PHACTR1: variants seen among roughly 807,000 people sequenced by gnomAD.
PHACTR1 encodes the protein RPEL repeat containing 1.
PHACTR1 carries 16 observed loss-of-function variants against 69.2 expected under a neutral mutation model. That is an observed-to-expected ratio of 0.23 (90% CI 0.16 to 0.35). The LOEUF (loss-of-function observed/expected upper bound fraction) is 0.35. Ranked by LOEUF, PHACTR1 falls within the 10% of genes least tolerant of loss-of-function variation. The probability of loss-of-function intolerance (pLI) is 1.00; values close to 1 mark genes in which losing one functional copy is unlikely to be tolerated. For synonymous variants in PHACTR1, 312 were observed against 284.5 expected, an observed-to-expected ratio of 1.10 and a Z score of -0.97; for missense variants, 510 against 734.7, an observed-to-expected ratio of 0.69 and a Z score of 3.54.
In PHACTR1 at chr6:12,745,156, A is replaced by G. The variant is rs181731762; in HGVS notation, c.104-4488A>G. On this transcript the variant is annotated intron_variant, in intron 3 of 14. Coordinates refer to ENST00000332995, the MANE Select transcript of PHACTR1 (RefSeq NM_030948.6). ...TTTACTTACTTGAAAAATTTTCTTA[A>G]TGGGGATGGAATATCACATCCTTCT... Among the ~76,000 whole-genome samples, 32 of 152,278 alleles carry G rather than the reference A, an allele frequency of 2.1e-4. No homozygotes were observed. In the East Asian group the frequency reaches 6.0e-3, roughly 28 times the overall value.
chr6:12,970,242 A>T (rs1021126522), intron 4 of PHACTR1, among the ~76,000 whole-genome samples: 3 of 152,200 alleles, frequency 2.0e-5, no homozygotes, highest in African/African-American at 7.2e-5. Flanking sequence ...AATTGAGACT[A>T]AACTTCTCTT....
At chr6:12,767,067 T>A (rs965287923) in intron 4 of PHACTR1, among the ~76,000 whole-genome samples, 1 of 152,232 alleles carries the variant, frequency 6.6e-6, no homozygotes, top group Admixed American at 6.5e-5. Context: ...TGTATGAAGA[T>A]GAAAATGGAT....
intron 4 of PHACTR1, among the ~76,000 whole-genome samples, chr6:12,951,959 A>G (rs558959358): frequency 6.6e-6 from 1 of 152,334 alleles, no homozygotes; most frequent in Admixed American, 6.5e-5. Flanking sequence ...GAAAGCAATG[A>G]ATACTCGAGT....
At chr6:13,244,086 AAGGGACAG>A (rs1175298560) in intron 10 of PHACTR1, among the ~76,000 whole-genome samples, 1 of 152,200 alleles carries the variant, frequency 6.6e-6, no homozygotes, top group Non-Finnish European at 1.5e-5. Context: ...TTGAGAAATA[AAGGGACAG>A]AGTACAAAAG....
intron 4 of PHACTR1, among the ~76,000 whole-genome samples, chr6:12,918,671 C>T (rs537428170): frequency 6.6e-6 from 1 of 152,288 alleles, no homozygotes; most frequent in East Asian, 1.9e-4. Flanking sequence ...ATTAAGCTCC[C>T]TAAATCTTGC....
intron 2 of PHACTR1, among the ~76,000 whole-genome samples, chr6:12,718,003 G>A (rs1448972128): frequency 6.6e-6 from 1 of 151,906 alleles, no homozygotes; most frequent in Non-Finnish European, 1.5e-5. Flanking sequence ...AATGTTTTCT[G>A]GGGAAGTATA....
At chr6:12,866,083 T>G (rs1332752271) in intron 4 of PHACTR1, among the ~76,000 whole-genome samples, 1 of 152,128 alleles carries the variant, frequency 6.6e-6, no homozygotes. Flanking sequence ...ATGTTTTATA[T>G]TGTATGGGGA....
intron 4 of PHACTR1, among the ~76,000 whole-genome samples, chr6:13,011,368 G>T (rs114410668): frequency 6.6e-6 from 1 of 152,170 alleles, no homozygotes; most frequent in Non-Finnish European, 1.5e-5. Flanking sequence ...ACCATTAGAG[G>T]CTGCAAACTC....
intron 5 of PHACTR1, among the ~76,000 whole-genome samples, chr6:13,155,573 T>C (rs186326728): frequency 6.6e-6 from 1 of 152,078 alleles, no homozygotes; most frequent in Admixed American, 6.5e-5. Context: ...CATGCATACC[T>C]TGTTAAGAGA....
chr6:12,867,713 A>G (rs1162905996), intron 4 of PHACTR1, among the ~76,000 whole-genome samples: 2 of 152,272 alleles, frequency 1.3e-5, no homozygotes, highest in African/African-American at 4.8e-5. Flanking sequence ...ATCAGTATTA[A>G]GAATTTTAAA....
chr6:13,232,021 A>C (rs1001692865), intron 10 of PHACTR1, among the ~76,000 whole-genome samples: 2 of 152,222 alleles, frequency 1.3e-5, no homozygotes, highest in Admixed American at 6.5e-5. Context: ...ACCAGGGCTT[A>C]ATTCTGATTC....
intron 5 of PHACTR1, among the ~76,000 whole-genome samples, chr6:13,139,444 T>G (rs1382477349): frequency 6.6e-6 from 1 of 152,100 alleles, no homozygotes; most frequent in Non-Finnish European, 1.5e-5. Flanking sequence ...TCACAAATTG[T>G]TTTTTCCGTT....
chr6:13,066,433 T>C (rs1049816096), intron 5 of PHACTR1, among the ~76,000 whole-genome samples: 3 of 152,164 alleles, frequency 2.0e-5, no homozygotes, highest in African/African-American at 7.2e-5. Flanking sequence ...GGTCCCCGAG[T>C]TTGAAGAATT....
rs766379889 is a variant in PHACTR1 at position 12,729,869 on chromosome 6, G to A, written c.103+11022G>A. 6.6e-5 allele frequency among the ~76,000 whole-genome samples: 10 copies of A among 152,096 alleles called. No individual in the cohort carries two copies. In the South Asian group the frequency reaches 8.3e-4, roughly 13 times the overall value. On this transcript the variant is annotated intron_variant, in intron 3 of 14. Transcript: ENST00000332995. Reference sequence around the variant, plus strand: ...AAGAAGATTTTTTTCCTGATTATGCGGTGACAAAGTAGGTAGACAGAGAGT... The same window carrying A: ...AAGAAGATTTTTTTCCTGATTATGCAGTGACAAAGTAGGTAGACAGAGAGT...
At chr6:12,882,797 C>G (rs1358532416) in intron 4 of PHACTR1, among the ~76,000 whole-genome samples, 1 of 151,928 alleles carries the variant, frequency 6.6e-6, no homozygotes, top group Non-Finnish European at 1.5e-5. Flanking sequence ...TGTGTGGGTT[C>G]AATAGAAAAA....
At chr6:13,029,120 G>C (rs568054106) in intron 4 of PHACTR1, among the ~76,000 whole-genome samples, 1 of 152,296 alleles carries the variant, frequency 6.6e-6, no homozygotes, top group South Asian at 2.1e-4. Flanking sequence ...ATGAGGCTCA[G>C]TTGAACTAGA....
At chr6:12,846,899 T>C (rs1351609845) in intron 4 of PHACTR1, among the ~76,000 whole-genome samples, 1 of 151,998 alleles carries the variant, frequency 6.6e-6, no homozygotes, top group African/African-American at 2.4e-5. Flanking sequence ...CTGCCTCCCA[T>C]GCTCAAGGAA....
intron 5 of PHACTR1, among the ~76,000 whole-genome samples, chr6:13,143,193 G>A (rs985239179): frequency 6.6e-6 from 1 of 152,098 alleles, no homozygotes; most frequent in African/African-American, 2.4e-5. Flanking sequence ...AAAAATAGTT[G>A]AAAATGAATA....
chr6:12,939,165 C>T lies in PHACTR1; in HGVS notation c.251-114200C>T, dbSNP rs1027828877. 2.6e-5 allele frequency among the ~76,000 whole-genome samples: 4 copies of T among 152,170 alleles called. No homozygotes were observed. In the South Asian group the frequency reaches 8.3e-4, roughly 32 times the overall value. ...AACTGAGACTGCTGGATTCCAGATG[C>T]TGTCCCCTAGTCTAAGAATAATGAG... is the stretch of plus-strand genomic sequence containing the variant. On this transcript the variant is annotated intron_variant, in intron 4 of 14. Transcript: ENST00000332995.
Sources: allele counts gnomAD v4.1 joint callset (sites outside exome capture counted in the v4.1 genomes callset), GRCh38; gene constraint gnomAD v4.1.1; transcripts MANE v1.5; gene names NCBI Gene and HGNC (gene_info 2026-07-23, HGNC 2026-07-21).